Variants in PTPRD observed in about 807,000 individuals in gnomAD.
PTPRD encodes protein tyrosine phosphatase receptor type D, also known as receptor-type tyrosine-protein phosphatase delta.
A neutral mutation model predicts 214.5 loss-of-function variants in PTPRD; 34 were observed. That is an observed-to-expected ratio of 0.16 (90% CI 0.12 to 0.21). The LOEUF is 0.21. Among genes scored for constraint, PTPRD ranks in the 10% least tolerant of loss-of-function variants. The pLI, the probability that PTPRD is intolerant of heterozygous loss-of-function variation, is 1.00. For missense variants in PTPRD, 2,545 were observed against 2,398.7 expected, an observed-to-expected ratio of 1.06 and a Z score of -1.27; for synonymous variants, 1,128 against 845.7, an observed-to-expected ratio of 1.33 and a Z score of -5.79.
chr9:10,556,514 C>T (rs375930215), intron 2 of PTPRD, among the ~76,000 whole-genome samples: 3 of 151,976 alleles, frequency 2.0e-5, no homozygotes, highest in African/African-American at 7.2e-5. Context: ...CTGAGAGTCA[C>T]GTGGTGATAC....
chr9:8,832,104 A>ATG (rs34699954), intron 11 of PTPRD, among the ~76,000 whole-genome samples: 2,903 of 148,844 alleles, frequency 0.02, 35 homozygotes, highest in South Asian at 0.055. Flanking sequence ...GTATGTGTAT[A>ATG]TGTGTGTGTG....
chr9:8,584,752 G>C (rs2093492913), intron 14 of PTPRD, among the ~76,000 whole-genome samples: 1 of 152,136 alleles, frequency 6.6e-6, no homozygotes, highest in South Asian at 2.1e-4. Context: ...TGCAAATGGA[G>C]ACATACCTGA....
intron 3 of PTPRD, among the ~76,000 whole-genome samples, chr9:10,231,142 A>G (rs1408866561): frequency 1.3e-5 from 2 of 152,024 alleles, no homozygotes; most frequent in Non-Finnish European, 2.9e-5. Flanking sequence ...TAAATTATAA[A>G]CCAGAAGTAA....
At chr9:8,975,363 C>G (rs1467420048) in intron 11 of PTPRD, among the ~76,000 whole-genome samples, 1 of 151,872 alleles carries the variant, frequency 6.6e-6, no homozygotes, top group Non-Finnish European at 1.5e-5. Flanking sequence ...AAACTGAGGC[C>G]TAGGAAGATT....
intron 9 of PTPRD, among the ~76,000 whole-genome samples, chr9:9,275,405 C>G (rs1274376815): frequency 6.7e-6 from 1 of 149,694 alleles, no homozygotes; most frequent in Non-Finnish European, 1.5e-5. Context: ...CTCAGAGTCA[C>G]CTGCATTCAG....
chr9:9,915,588 T>TA (rs1376808726), intron 5 of PTPRD, among the ~76,000 whole-genome samples: 10 of 149,782 alleles, frequency 6.7e-5, no homozygotes, highest in Non-Finnish European at 1.5e-4. Context: ...TCAATTAATT[T>TA]AAAAAAATAC....
intron 5 of PTPRD, among the ~76,000 whole-genome samples, chr9:9,909,776 A>AT (rs966469980): frequency 1.3e-3 from 177 of 135,786 alleles, no homozygotes; most frequent in African/African-American, 4.2e-3. Context: ...TGTGGATTGA[A>AT]TGTTTTTTTT....
chr9:9,639,485 G>T (rs375905464), intron 7 of PTPRD, among the ~76,000 whole-genome samples: 1 of 152,070 alleles, frequency 6.6e-6, no homozygotes, highest in African/African-American at 2.4e-5. Context: ...TTTCCTATTA[G>T]CAGGCTATGT....
intron 6 of PTPRD, among the ~76,000 whole-genome samples, chr9:9,739,402 ATTAC>A (rs1462299806): frequency 4.6e-5 from 7 of 152,192 alleles, no homozygotes; most frequent in South Asian, 4.1e-4. Flanking sequence ...TAGTTACATA[ATTAC>A]TTAGAGTGTC....
At chr9:9,782,608 T>G (rs1046602210) in intron 5 of PTPRD, among the ~76,000 whole-genome samples, 3 of 152,190 alleles carry the variant, frequency 2.0e-5, no homozygotes, top group Non-Finnish European at 4.4e-5. Context: ...ATCCTTTGAC[T>G]TAACCATGCT....
intron 7 of PTPRD, among the ~76,000 whole-genome samples, chr9:9,668,008 G>C (rs758444861): frequency 7.2e-5 from 11 of 152,066 alleles, no homozygotes; most frequent in Non-Finnish European, 1.0e-4. Flanking sequence ...TGTGAAAATG[G>C]ACAGATTATC....
chr9:10,095,785 G>C (rs944122870), intron 3 of PTPRD, among the ~76,000 whole-genome samples: 10 of 151,382 alleles, frequency 6.6e-5, no homozygotes, highest in Non-Finnish European at 1.2e-4. Context: ...CTACTTCATG[G>C]ATAAATACAT....
chr9:10,203,735 T>C (rs1594096487), intron 3 of PTPRD, among the ~76,000 whole-genome samples: 1 of 152,264 alleles, frequency 6.6e-6, no homozygotes, highest in Non-Finnish European at 1.5e-5. Context: ...TGGAAAAAAA[T>C]TGCTTTTGTG....
chr9:9,049,804 T>G (rs1316476385), intron 10 of PTPRD, among the ~76,000 whole-genome samples: 2 of 152,286 alleles, frequency 1.3e-5, no homozygotes, highest in African/African-American at 2.4e-5. Flanking sequence ...TGGATGAATT[T>G]AAAACAACCA....
intron 3 of PTPRD, among the ~76,000 whole-genome samples, chr9:10,202,670 G>GGA (rs1188849576): frequency 1.0e-3 from 42 of 40,122 alleles, no homozygotes; most frequent in African/African-American, 3.6e-3. Context: ...AAAATTATAT[G>GGA]GATATATATA....
intron 14 of PTPRD, among the ~76,000 whole-genome samples, chr9:8,572,350 G>C (rs2091382402): frequency 6.6e-6 from 1 of 151,828 alleles, no homozygotes; most frequent in East Asian, 1.9e-4. Flanking sequence ...AACATAAAAA[G>C]TCCCAGGTTT....
At chr9:9,511,939 T>G (rs2096719889) in intron 8 of PTPRD, among the ~76,000 whole-genome samples, 1 of 151,792 alleles carries the variant, frequency 6.6e-6, no homozygotes, top group South Asian at 2.1e-4. Context: ...TCTTCCTATT[T>G]ATCCTTCTCT....
At chr9:9,426,632 G>A (rs1160975070) in intron 8 of PTPRD, among the ~76,000 whole-genome samples, 1 of 152,184 alleles carries the variant, frequency 6.6e-6, no homozygotes, top group African/African-American at 2.4e-5. Context: ...TGACCCCCGA[G>A]TCGCCTAACT....
At chr9:8,788,178 A>C (rs2096068679) in intron 11 of PTPRD, among the ~76,000 whole-genome samples, 1 of 152,154 alleles carries the variant, frequency 6.6e-6, no homozygotes, top group South Asian at 2.1e-4. Context: ...TAAATTAAGA[A>C]AGCAAAAAAT....
Sources: gnomAD v4.1 joint callset for allele counts (sites outside exome capture counted in the v4.1 genomes callset) on GRCh38, gnomAD v4.1.1 for gene constraint, MANE v1.5 for transcripts, NCBI Gene and HGNC (gene_info 2026-07-23, HGNC 2026-07-21) for gene names.